Variants in TP63 observed in about 807,000 individuals in gnomAD.
The protein encoded by TP63 is tumor protein p63.
TP63 carries 17 observed loss-of-function variants against 82.8 expected under a neutral mutation model. That is an observed-to-expected ratio of 0.21 (90% CI 0.14 to 0.31). The LOEUF is 0.31. Among genes scored for constraint, TP63 ranks in the 10% least tolerant of loss-of-function variants. The probability of loss-of-function intolerance (pLI) is 1.00; values close to 1 mark genes in which losing one functional copy is unlikely to be tolerated. For synonymous variants in TP63, 330 were observed against 321.7 expected (o/e 1.03, Z -0.28); for missense variants, 648 against 895.3 (o/e 0.72, Z 3.52).
At chr3:189,863,520 G>A (rs774167709) in intron 4 of TP63, among the ~76,000 whole-genome samples, 13 of 152,218 alleles carry the variant, frequency 8.5e-5, no homozygotes, top group Middle Eastern at 3.4e-3. Context: ...TCACTTGTGA[G>A]TGAGAAGATC....
At chr3:189,783,502 C>T (rs1576945729) in intron 3 of TP63, among the ~76,000 whole-genome samples, 1 of 151,534 alleles carries the variant, frequency 6.6e-6, no homozygotes, top group South Asian at 2.1e-4. Flanking sequence ...TTTAAAAATC[C>T]TAAAGAAGTG....
chr3:189,893,483 A>C (rs191149399), intron 13 of TP63, among the ~76,000 whole-genome samples: 1 of 152,374 alleles, frequency 6.6e-6, no homozygotes, highest in East Asian at 1.9e-4. Context: ...ATATCACCAC[A>C]GTCAGTTAAG....
At chr3:189,601,461 C>T in the TP63 span, among the ~76,000 whole-genome samples, 1 of 152,104 alleles carries the variant, frequency 6.6e-6, no homozygotes. Context: ...CTCCCTGGAA[C>T]CCTAAATTTC....
chr3:189,780,511 C>T (rs1306243026), intron 3 of TP63, among the ~76,000 whole-genome samples: 4 of 148,444 alleles, frequency 2.7e-5, no homozygotes, highest in African/African-American at 5.0e-5. Flanking sequence ...CTTATAGGCC[C>T]CTATTTCCTA....
In TP63 at chr3:189,894,501, G is replaced by A; in HGVS notation, c.2042G>A (p.Ter681=). Residue 681 remains the stop codon, a stop_retained_variant, in exon 14 of 14, where the codon TGA becomes TAA. Coordinates refer to ENST00000264731, the MANE Select transcript of TP63 (RefSeq NM_003722.5). ...KQQRIKEEGE[*] ...CAGCGCATCAAAGAGGAGGGGGAGT[G>A]AGCCTCACCATGTGAGCTCTTCCTA... 6.2e-7 allele frequency: 1 copy of A among 1,612,898 alleles called. No homozygotes were observed. Among genetic ancestry groups the A allele is most frequent in the East Asian group, 2.2e-5 (1 of 44,834 alleles).
chr3:189,799,252 A>G (rs1385708169), intron 3 of TP63, among the ~76,000 whole-genome samples: 1 of 152,102 alleles, frequency 6.6e-6, no homozygotes, highest in Non-Finnish European at 1.5e-5. Context: ...ACTGTTAATT[A>G]TGGCTTTATT....
rs1721505861 is a variant in TP63 at position 189,896,779 on chromosome 3, C to A, written c.*2277C>A. On this transcript the variant is annotated 3_prime_UTR_variant, in exon 14 of 14. Transcript: ENST00000264731. ...CCCTTACTGGCTTACCTCCTCATGG[C>A]AGCCTACTCTCCTTGAGTGTATGAG... The A allele has an allele frequency of 9.7e-6, 2 of 206,456 alleles. No homozygotes were observed. Among genetic ancestry groups the A allele is most frequent in the Non-Finnish European group, 2.0e-5 (2 of 100,782 alleles). The allele number at this position is 206,456 out of a possible 1,614,324, so 12.8% of individuals were successfully genotyped here.
At chr3:189,650,347 T>C (rs922118730) in intron 1 of TP63, among the ~76,000 whole-genome samples, 1 of 147,306 alleles carries the variant, frequency 6.8e-6, no homozygotes, top group African/African-American at 2.5e-5. Context: ...TAATTTATCT[T>C]GAATAAGCTT....
In TP63 at chr3:189,872,771, G is replaced by A. The variant is rs183015740; in HGVS notation, c.1213-88G>A. The A allele has an allele frequency of 9.3e-5, 145 of 1,561,426 alleles. No homozygotes were observed. In the African/African-American group the frequency reaches 1.6e-3, roughly 17 times the overall value. On this transcript the variant is annotated intron_variant, in intron 9 of 13. Coordinates refer to ENST00000264731, the MANE Select transcript of TP63 (RefSeq NM_003722.5). ...TAGCAAATAAACAAATTGCAATTACGGAATCCTCAAATAATGAGGATTGAC... is the reference window on the plus strand; with the variant it reads ...TAGCAAATAAACAAATTGCAATTACAGAATCCTCAAATAATGAGGATTGAC...
intron 3 of TP63, among the ~76,000 whole-genome samples, chr3:189,773,269 G>A (rs972879957): frequency 1.3e-5 from 2 of 152,186 alleles, no homozygotes; most frequent in African/African-American, 4.8e-5. Flanking sequence ...TCATTCCTCT[G>A]AGTAATTCTC....
chr3:189,640,491 G>A (rs1172491374), intron 1 of TP63, among the ~76,000 whole-genome samples: 4 of 152,006 alleles, frequency 2.6e-5, no homozygotes, highest in African/African-American at 9.7e-5. Context: ...CTGCAAATGT[G>A]GTCCATTGTA....
At chr3:189,847,287 G>T (rs893064011) in intron 4 of TP63, among the ~76,000 whole-genome samples, 6 of 152,304 alleles carry the variant, frequency 3.9e-5, no homozygotes, top group South Asian at 4.1e-4. Context: ...GAACCTTGGA[G>T]GCAGAGGTTG....
intron 4 of TP63, among the ~76,000 whole-genome samples, chr3:189,812,380 C>A (rs140424040): frequency 3.9e-5 from 6 of 152,148 alleles, no homozygotes; most frequent in Admixed American, 6.5e-5. Context: ...CATACATACA[C>A]GACAAACCAA....
chr3:189,811,126 T>G (rs1001470927), intron 4 of TP63, among the ~76,000 whole-genome samples: 1 of 152,208 alleles, frequency 6.6e-6, no homozygotes, highest in African/African-American at 2.4e-5. Context: ...ACCTGGATTA[T>G]GGTCTTGATC....
the TP63 span, among the ~76,000 whole-genome samples, chr3:189,598,695 G>A: frequency 1.3e-5 from 2 of 152,210 alleles, no homozygotes; most frequent in Admixed American, 6.5e-5. Flanking sequence ...CAGAGGGCTG[G>A]GACTAAACTA....
At chr3:189,768,666 ATCT>A (rs1190924993) in intron 3 of TP63, among the ~76,000 whole-genome samples, 2 of 152,146 alleles carry the variant, frequency 1.3e-5, no homozygotes, top group African/African-American at 4.8e-5. Context: ...ATGATACAAT[ATCT>A]CCCGCTGTAC....
intron 4 of TP63, chr3:189,844,556 A>G (rs144934769): frequency 1.3e-3 from 214 of 158,674 alleles, no homozygotes; most frequent in Non-Finnish European, 2.3e-3. Flanking sequence ...TGCTGGGATT[A>G]CGGGGGTGAA....
At chr3:189,884,059 T>C (rs540692405) in intron 10 of TP63, among the ~76,000 whole-genome samples, 2 of 152,300 alleles carry the variant, frequency 1.3e-5, no homozygotes, top group South Asian at 4.1e-4. Flanking sequence ...GAGGGACAGA[T>C]AGAGAGGTCT....
At chr3:189,750,781 C>G (rs1339770827) in intron 3 of TP63, among the ~76,000 whole-genome samples, 1 of 151,990 alleles carries the variant, frequency 6.6e-6, no homozygotes, top group Non-Finnish European at 1.5e-5. Flanking sequence ...GGTGGAATTT[C>G]TGTATTTGTT....
Sources: gnomAD v4.1 joint callset for allele counts (sites outside exome capture counted in the v4.1 genomes callset) on GRCh38, gnomAD v4.1.1 for gene constraint, MANE v1.5 for transcripts, NCBI Gene and HGNC (gene_info 2026-07-23, HGNC 2026-07-21) for gene names.